Variants in RBFOX1 observed in about 807,000 individuals in gnomAD.
The protein encoded by RBFOX1 is RNA binding protein fox-1 homolog 1.
RBFOX1 carries 8 observed loss-of-function variants against 57.7 expected under a neutral mutation model. The ratio of observed to expected loss-of-function variants is 0.14; its 90% CI spans 0.08 to 0.25. The LOEUF (loss-of-function observed/expected upper bound fraction) is 0.25, where lower values mean the gene tolerates loss of function less well. Among genes scored for constraint, RBFOX1 ranks in the 10% least tolerant of loss-of-function variants. RBFOX1 has a pLI of 1.00. For synonymous variants in RBFOX1, 326 were observed against 222.4 expected, an observed-to-expected ratio of 1.47 and a Z score of -4.15; for missense variants, 611 against 548.5, an observed-to-expected ratio of 1.11 and a Z score of -1.14.
At position 7,216,557 on chromosome 16, in the gene RBFOX1, G is replaced by T. The variant is rs62015809; in HGVS notation, c.27+164459G>T. 2.0e-5 allele frequency among the ~76,000 whole-genome samples: 3 copies of T among 151,994 alleles called. No homozygotes were observed. In the East Asian group the frequency reaches 5.8e-4, roughly 30 times the overall value. On this transcript the variant is annotated intron_variant, in intron 4 of 15. Transcript: ENST00000550418. Reference sequence around the variant, plus strand: ...CTTAAATATAATGATAGGAGTAAAGGGTGTAGCACAGAATTGCTTGAACCT... The same window carrying T: ...CTTAAATATAATGATAGGAGTAAAGTGTGTAGCACAGAATTGCTTGAACCT...
intron 3 of RBFOX1, among the ~76,000 whole-genome samples, chr16:6,708,123 C>A (rs777984408): frequency 6.6e-6 from 1 of 152,144 alleles, no homozygotes; most frequent in Non-Finnish European, 1.5e-5. Flanking sequence ...GTTTACTACC[C>A]ACAGACACCT....
chr16:6,541,411 A>G (rs1192010309), intron 2 of RBFOX1, among the ~76,000 whole-genome samples: 1 of 152,206 alleles, frequency 6.6e-6, no homozygotes, highest in Admixed American at 6.5e-5. Context: ...AGCACTGGAC[A>G]GTTCCCTGCT....
intron 1 of RBFOX1, chr16:6,092,986 G>A (rs1035158527): frequency 1.3e-5 from 2 of 152,170 alleles, no homozygotes; most frequent in Non-Finnish European, 2.9e-5. Context: ...CTGGGTGACA[G>A]AATAATCTAT....
At chr16:5,715,801 C>T (rs1215712428) in intron 3 of RBFOX1, among the ~76,000 whole-genome samples, 1 of 152,160 alleles carries the variant, frequency 6.6e-6, no homozygotes, top group East Asian at 1.9e-4. Context: ...GCTACAAGGG[C>T]TTCCTTTTAC....
intron 4 of RBFOX1, among the ~76,000 whole-genome samples, chr16:5,998,712 C>G (rs1596372687): frequency 6.6e-6 from 1 of 152,288 alleles, no homozygotes; most frequent in East Asian, 1.9e-4. Flanking sequence ...AATATGAGAA[C>G]TTTACCCAGT....
At chr16:6,830,705 T>C (rs563982005) in intron 3 of RBFOX1, among the ~76,000 whole-genome samples, 1 of 152,302 alleles carries the variant, frequency 6.6e-6, no homozygotes, top group South Asian at 2.1e-4. Flanking sequence ...TTAAGAAACG[T>C]TGCTCTATCA....
At chr16:6,139,432 G>T (rs1050893751) in intron 1 of RBFOX1, among the ~76,000 whole-genome samples, 2 of 152,068 alleles carry the variant, frequency 1.3e-5, no homozygotes, top group Admixed American at 1.3e-4. Flanking sequence ...TTGACCACCC[G>T]CTGCAAGAGA....
At chr16:5,466,752 T>C (rs545427079) in intron 1 of RBFOX1, among the ~76,000 whole-genome samples, 2 of 152,320 alleles carry the variant, frequency 1.3e-5, no homozygotes, top group South Asian at 2.1e-4. Context: ...GGCTGCCTCC[T>C]AGAGCTTGTC....
chr16:7,384,093 G>T (rs1597077145), intron 4 of RBFOX1, among the ~76,000 whole-genome samples: 1 of 150,884 alleles, frequency 6.6e-6, no homozygotes, highest in East Asian at 1.9e-4. Context: ...AGAAACATCA[G>T]TATAAATAGT....
chr16:7,001,712 C>T (rs1244327291), intron 3 of RBFOX1, among the ~76,000 whole-genome samples: 2 of 152,120 alleles, frequency 1.3e-5, no homozygotes, highest in Admixed American at 6.5e-5. Flanking sequence ...CCTCCTTGGC[C>T]TCCCACGGTG....
intron 3 of RBFOX1, among the ~76,000 whole-genome samples, chr16:6,820,247 C>G (rs1003173614): frequency 2.0e-5 from 3 of 152,154 alleles, no homozygotes; most frequent in Non-Finnish European, 2.9e-5. Flanking sequence ...TAAACCTTTT[C>G]TTCTTTATAA....
chr16:7,612,320 C>CAAAAA (rs60248765), intron 10 of RBFOX1, among the ~76,000 whole-genome samples: 8 of 71,446 alleles, frequency 1.1e-4, no homozygotes, highest in African/African-American at 3.2e-4. Flanking sequence ...GACTCCATCT[C>CAAAAA]AAAAAAAAAA....
chr16:6,168,741 G>A (rs545147723), intron 1 of RBFOX1, among the ~76,000 whole-genome samples: 1 of 152,114 alleles, frequency 6.6e-6, no homozygotes, highest in Non-Finnish European at 1.5e-5. Context: ...ATATTGGAAG[G>A]AGTTGTGTTT....
intron 4 of RBFOX1, among the ~76,000 whole-genome samples, chr16:5,926,832 C>A (rs2058949512): frequency 6.6e-6 from 1 of 152,140 alleles, no homozygotes; most frequent in Admixed American, 6.5e-5. Flanking sequence ...GATTCCTTTC[C>A]TCCTACATTC....
chr16:7,421,258 T>A (rs2098540249), intron 4 of RBFOX1, among the ~76,000 whole-genome samples: 1 of 152,188 alleles, frequency 6.6e-6, no homozygotes, highest in Non-Finnish European at 1.5e-5. Context: ...CAACCTATGT[T>A]GTAATTGAAG....
intron 4 of RBFOX1, among the ~76,000 whole-genome samples, chr16:7,210,331 G>A (rs552208124): frequency 2.0e-5 from 3 of 152,274 alleles, no homozygotes; most frequent in African/African-American, 7.2e-5. Flanking sequence ...TCTTGGGCAG[G>A]AGCTGACAGC....
intron 4 of RBFOX1, among the ~76,000 whole-genome samples, chr16:7,081,950 A>T (rs2059267177): frequency 6.6e-6 from 1 of 152,164 alleles, no homozygotes; most frequent in African/African-American, 2.4e-5. Flanking sequence ...AAGGAGAAGA[A>T]TCTGTGCTTG....
intron 4 of RBFOX1, among the ~76,000 whole-genome samples, chr16:7,239,501 A>G (rs910243680): frequency 6.6e-6 from 1 of 152,098 alleles, no homozygotes; most frequent in African/African-American, 2.4e-5. Flanking sequence ...TGTCTAAAAA[A>G]TAAATAAATA....
chr16:5,883,372 T>C (rs569278062), intron 4 of RBFOX1, among the ~76,000 whole-genome samples: 1 of 152,288 alleles, frequency 6.6e-6, no homozygotes, highest in East Asian at 1.9e-4. Context: ...TACAATCCTA[T>C]TCCTCATAAT....
Sources: allele counts gnomAD v4.1 joint callset (sites outside exome capture counted in the v4.1 genomes callset), GRCh38; gene constraint gnomAD v4.1.1; transcripts MANE v1.5; gene names NCBI Gene and HGNC (gene_info 2026-07-23, HGNC 2026-07-21).